The following SCD variants were observed in gnomAD, a reference collection of about 807,000 sequenced individuals.
The protein encoded by SCD is acyl-CoA desaturase.
Under a neutral mutation model 35.7 loss-of-function variants are expected in SCD, and 4 were observed. The observed-to-expected ratio is 0.11, with a 90% CI of 0.06 to 0.26. SCD has a LOEUF of 0.26. SCD is among the 10% of genes least tolerant of loss of function. The probability of loss-of-function intolerance (pLI) is 1.00; values close to 1 mark genes in which losing one functional copy is unlikely to be tolerated. For missense variants in SCD, 282 were observed against 460.7 expected, an observed-to-expected ratio of 0.61 and a Z score of 3.55; for synonymous variants, 150 against 170.2, an observed-to-expected ratio of 0.88 and a Z score of 0.92.
intron 5 of SCD, 90 bp from the exon 6 acceptor site, chr10:100,360,644 G>T (rs1225127091): frequency 1.1e-5 from 12 of 1,071,490 alleles, no homozygotes; most frequent in Non-Finnish European, 1.0e-5. Flanking sequence ...GTTTCTCCCA[G>T]GTGTGAGGTA....
rs1554834155 is a variant in SCD, at chr10:100,348,126, T to C, written c.90T>C (p.Asn30=). 4 of 1,613,730 alleles carry C rather than the reference T, an allele frequency of 2.5e-6. No homozygotes were observed. Among genetic ancestry groups the C allele is most frequent in the Non-Finnish European group, 3.4e-6 (4 of 1,179,840 alleles). ...CGCCTCCCTCCAGGGTCCTGCAGAATGGAGGAGATAAGTTGGAGACGATGC... is the reference window on the plus strand; with the variant it reads ...CGCCTCCCTCCAGGGTCCTGCAGAACGGAGGAGATAAGTTGGAGACGATGC... ...ITAPPSRVLQ[N]GGDKLETMPL... Residue 30 remains asparagine, a synonymous_variant, in exon 2 of 6, where the codon AAT becomes AAC. Transcript: ENST00000370355.
At position 100,364,347 on chromosome 10, in the gene SCD, A is replaced by C. The variant is rs2133600339; in HGVS notation, c.*3414A>C. On this transcript the variant is annotated 3_prime_UTR_variant, in exon 6 of 6. Coordinates refer to ENST00000370355, the MANE Select transcript of SCD (RefSeq NM_005063.5). ...GACCCTGGGCAAGTCACTTAACTAT[A>C]AGGTGCCTCAGTTTTCCTTCTGTTA... 6.5e-6 allele frequency: 1 copy of C among 152,674 alleles called. No individual in the cohort carries two copies. The highest frequency in any genetic ancestry group is 2.4e-5 in the African/African-American group (1 of 41,548). The allele number at this position is 152,674 out of a possible 1,614,324, so 9.5% of individuals were successfully genotyped here.
chr10:100,358,516 C>T (rs1256970464), intron 5 of SCD, among the ~76,000 whole-genome samples: 5 of 145,018 alleles, frequency 3.4e-5, no homozygotes, highest in South Asian at 2.2e-4. Context: ...GGCGTGAACC[C>T]GGGAAGCGGA....
At position 100,348,078 on chromosome 10, in the gene SCD, T is replaced by TACC. The variant is rs780578159; in HGVS notation, c.56_58dup (p.Thr19dup). On this transcript the variant is annotated inframe_insertion, in exon 2 of 6. Transcript: ENST00000370355. ...CCCCCTTCCAGATCTCTAGCTCCTATACCACCACCACCACCATTACAGCGC... is the reference window on the plus strand; with the variant it reads ...CCCCCTTCCAGATCTCTAGCTCCTATACCACCACCACCACCACCATTACAGCGC... The TACC allele has an allele frequency of 8.0e-5, 129 of 1,613,332 alleles. No individual in the cohort carries two copies. Among genetic ancestry groups the TACC allele is most frequent in the East Asian group, 2.9e-4 (13 of 44,852 alleles).
At position 100,361,092 on chromosome 10, in the gene SCD, A is replaced by G; in HGVS notation, c.*159A>G. 3 of 645,964 alleles carry G rather than the reference A, an allele frequency of 4.6e-6. No individual in the cohort carries two copies. The highest frequency in any genetic ancestry group is 4.0e-5 in the South Asian group (2 of 50,390). The allele number at this position is 645,964 out of a possible 1,614,324, so 40.0% of individuals were successfully genotyped here. On this transcript the variant is annotated 3_prime_UTR_variant, in exon 6 of 6. Transcript: ENST00000370355. ...TAAAATTCAAAAGTATTGAAAGCCA[A>G]CAACTCTGCCTTTATGATGCTAAGC...
At chr10:100,347,787 T>G (rs1849815792) in intron 1 of SCD, among the ~76,000 whole-genome samples, 1 of 152,204 alleles carries the variant, frequency 6.6e-6, no homozygotes, top group Non-Finnish European at 1.5e-5. Context: ...TTCCTTTGTC[T>G]TCGTGGGGAT....
rs1253752375 is a variant in SCD at position 100,347,474 on chromosome 10, T to A, written c.-31T>A. On this transcript the variant is annotated 5_prime_UTR_variant, in exon 1 of 6. Transcript: ENST00000370355. ...ACTCCGCTCCGGAGCCTCAGCCCCCTGGAAAGTGATCCCGGCATCCGAGAG... is the reference window on the plus strand; with the variant it reads ...ACTCCGCTCCGGAGCCTCAGCCCCCAGGAAAGTGATCCCGGCATCCGAGAG... 1.2e-6 allele frequency: 2 copies of A among 1,613,020 alleles called. No homozygotes were observed. Among genetic ancestry groups the A allele is most frequent in the South Asian group, 1.1e-5 (1 of 90,998 alleles).
At chr10:100,348,029 T>A (rs200744701) in intron 1 of SCD, 35 bp from the exon 2 acceptor site, 9 of 1,602,346 alleles carry the variant, frequency 5.6e-6, no homozygotes, top group Non-Finnish European at 7.7e-6. Context: ...TCCACGTGTC[T>A]CTTCTCCTGA....
chr10:100,350,699 G>C (rs577488167), intron 2 of SCD, among the ~76,000 whole-genome samples: 3 of 152,182 alleles, frequency 2.0e-5, no homozygotes, highest in Non-Finnish European at 2.9e-5. Context: ...TCTTATATAC[G>C]TTCTGAGTCA....
intron 5 of SCD, among the ~76,000 whole-genome samples, chr10:100,358,143 G>T (rs918118286): frequency 6.6e-6 from 1 of 152,078 alleles, no homozygotes; most frequent in African/African-American, 2.4e-5. Flanking sequence ...GGGATTACAG[G>T]TGCATGCCAC....
rs181610726 is a variant in SCD, at chr10:100,353,721, A to G, written c.442-706A>G. On this transcript the variant is annotated intron_variant, in intron 3 of 5. Coordinates refer to ENST00000370355, the MANE Select transcript of SCD (RefSeq NM_005063.5). ...GGCTTAGCTTGGAGCAAGAGGAAGA[A>G]AGGAAACCAACTTAGTGGTGGCAAT... Among the ~76,000 whole-genome samples the G allele has an allele frequency of 1.1e-3, 167 of 152,368 alleles. 5 individuals are homozygous for G. Among genetic ancestry groups the G allele is most frequent in the Admixed American group, 0.011 (165 of 15,308 alleles).
Position 100,348,297 on chromosome 10 carries a change from G to A in SCD, c.261G>A (p.Leu87=), listed in dbSNP as rs200505994. Residue 87 remains leucine (L), a synonymous_variant, in exon 2 of 6, where the codon CTG becomes CTA. Coordinates refer to ENST00000370355, the MANE Select transcript of SCD (RefSeq NM_005063.5). The part of the protein sequence containing the change: ...ILMSLLHLGA[L]YGITLIPTCK... ...TGTCTCTGCTACACTTGGGAGCCCT[G>A]TATGGGATCACTTTGATTCCTACCT... 3.6e-5 allele frequency: 58 copies of A among 1,614,104 alleles called. No individual in the cohort carries two copies. In the East Asian group the frequency reaches 6.0e-4, roughly 17 times the overall value.
At chr10:100,360,710 C>G in intron 5 of SCD, 24 bp from the exon 6 acceptor site, 1 of 1,611,030 alleles carries the variant, frequency 6.2e-7, no homozygotes. Context: ...ACCGTCACTC[C>G]ATAACTTCTC....
At chr10:100,351,595 C>G (rs1001470244) in intron 2 of SCD, among the ~76,000 whole-genome samples, 2 of 152,124 alleles carry the variant, frequency 1.3e-5, no homozygotes, top group East Asian at 3.8e-4. Flanking sequence ...TAAGAGTCCC[C>G]TACAACTAAG....
In SCD at chr10:100,361,592, T is replaced by C. The variant is rs1849990625; in HGVS notation, c.*659T>C. On this transcript the variant is annotated 3_prime_UTR_variant, in exon 6 of 6. Coordinates refer to ENST00000370355, the MANE Select transcript of SCD (RefSeq NM_005063.5). ...AATGAGGACTTCAAGCCCCACCACA[T>C]AGCATGCTTCCTTTCTCTCCTGGCT... The C allele has an allele frequency of 6.6e-6, 1 of 152,334 alleles. No homozygotes were observed. Among genetic ancestry groups the C allele is most frequent in the African/African-American group, 2.4e-5 (1 of 41,438 alleles). 9.4% of individuals were successfully genotyped at this position (152,334 alleles called of 1,614,324 possible). A position where few individuals can be genotyped will look rare whatever the true frequency, so the allele number is the denominator to read the frequency against.
At chr10:100,351,643 T>C (rs1849873721) in intron 2 of SCD, among the ~76,000 whole-genome samples, 2 of 152,072 alleles carry the variant, frequency 1.3e-5, no homozygotes. Flanking sequence ...TTGTACTGGC[T>C]GTTATTTTAT....
Position 100,361,379 on chromosome 10 carries a change from G to C in SCD, c.*446G>C, listed in dbSNP as rs1055737618. The C allele has an allele frequency of 6.0e-6, 1 of 165,368 alleles. No homozygotes were observed. Among genetic ancestry groups the C allele is most frequent in the African/African-American group, 2.4e-5 (1 of 41,566 alleles). The allele number at this position is 165,368 out of a possible 1,614,324, so 10.2% of individuals were successfully genotyped here. On this transcript the variant is annotated 3_prime_UTR_variant, in exon 6 of 6. Transcript: ENST00000370355. ...CTAGAGATAAAACAGAATCTTCTGG[G>C]TAGTCCCCTGTTGATTATCTTCAGC...
chr10:100,347,632 G>A (rs1589696984), intron 1 of SCD, 101 bp downstream of exon 1: 1 of 1,344,668 alleles, frequency 7.4e-7, no homozygotes, highest in African/African-American at 1.4e-5. Context: ...CTCCGCGGAG[G>A]ACTTGGTCAT....
Position 100,356,595 on chromosome 10 carries a change from C to T in SCD, c.711C>T (p.Phe237=). The T allele has an allele frequency of 1.2e-6, 2 of 1,614,170 alleles. No homozygotes were observed. Among genetic ancestry groups the T allele is most frequent in the Non-Finnish European group, 1.7e-6 (2 of 1,180,032 alleles). ...TGCCCACGCTTGTGCCCTGGTATTT[C>T]TGGGGTGAAACTTTTCAAAACAGTG... ...FILPTLVPWY[F]WGETFQNSVF... The change falls in exon 5 of 6, where the codon TTC becomes TTT. Residue 237 remains phenylalanine, a synonymous_variant. Transcript: ENST00000370355. This position sits in a 1 kb window ranked among gnomAD's most constrained non-coding sequence, Gnocchi z 4.1.
Sources: allele counts gnomAD v4.1 joint callset (sites outside exome capture counted in the v4.1 genomes callset), GRCh38; gene constraint gnomAD v4.1.1; non-coding constraint Gnocchi (gnomAD v3.1); transcripts MANE v1.5; gene names NCBI Gene and HGNC (gene_info 2026-07-23, HGNC 2026-07-21).